The following TEAD4 variants were observed in gnomAD, a reference collection of about 807,000 sequenced individuals.
The protein encoded by TEAD4 is TEA domain transcription factor 4.
TEAD4 carries 36 observed loss-of-function variants against 52.4 expected under a neutral mutation model. The ratio of observed to expected loss-of-function variants is 0.69; its 90% CI spans 0.53 to 0.91. The LOEUF is 0.91. Ranked by LOEUF, TEAD4 falls within the 40% of genes least tolerant of loss-of-function variation. The probability of loss-of-function intolerance (pLI) is 0.00; values close to 1 mark genes in which losing one functional copy is unlikely to be tolerated. For missense variants in TEAD4, 508 were observed against 583.9 expected, an observed-to-expected ratio of 0.87 and a Z score of 1.34; for synonymous variants, 220 against 231.0, an observed-to-expected ratio of 0.95 and a Z score of 0.43.
At chr12:2,995,971 G>A (rs2098246784) in intron 3 of TEAD4, among the ~76,000 whole-genome samples, 1 of 150,322 alleles carries the variant, frequency 6.7e-6, no homozygotes, top group Non-Finnish European at 1.5e-5. Flanking sequence ...GTGCACTGTT[G>A]CACTCCTGCC....
chr12:2,967,415 A>G (rs938341196), intron 2 of TEAD4, among the ~76,000 whole-genome samples: 20 of 152,168 alleles, frequency 1.3e-4, no homozygotes, highest in African/African-American at 4.8e-4. Context: ...CTATGACTAT[A>G]CTATATTTAA....
chr12:3,035,672 T>C (rs2153958596), intron 10 of TEAD4, among the ~76,000 whole-genome samples: 1 of 152,106 alleles, frequency 6.6e-6, no homozygotes, highest in South Asian at 2.1e-4. Flanking sequence ...ATTTAAAAAT[T>C]AGCCAGGTGT....
At chr12:2,965,910 G>T (rs989428309) in intron 2 of TEAD4, among the ~76,000 whole-genome samples, 1 of 152,050 alleles carries the variant, frequency 6.6e-6, no homozygotes, top group Non-Finnish European at 1.5e-5. Flanking sequence ...CACCCAGGAT[G>T]GAGTGCAGTG....
Position 2,994,722 on chromosome 12 carries a change from G to T in TEAD4, c.-29-16G>T, listed in dbSNP as rs1372655020. ...TCTTCCACTGCTCACCGGGGCTGTG[G>T]TTCCTGTCCCCACAGGTCCAACGAG... On this transcript the variant is annotated splice_polypyrimidine_tract_variant and intron_variant, in intron 2 of 12. Coordinates refer to ENST00000359864, the MANE Select transcript of TEAD4 (RefSeq NM_003213.4). This position sits in a 1 kb window ranked among gnomAD's most constrained non-coding sequence, Gnocchi z 4.7. 2 of 1,550,746 alleles carry T rather than the reference G, an allele frequency of 1.3e-6. No homozygotes were observed. Among genetic ancestry groups the T allele is most frequent in the South Asian group, 1.2e-5 (1 of 81,018 alleles).
chr12:2,969,344 G>T (rs1000140991), intron 2 of TEAD4, among the ~76,000 whole-genome samples: 1 of 152,224 alleles, frequency 6.6e-6, no homozygotes, highest in African/African-American at 2.4e-5. Context: ...CGTAAGTTAT[G>T]TGCAAACACT....
At chr12:2,962,868 A>G (rs1209982962) in intron 2 of TEAD4, among the ~76,000 whole-genome samples, 2 of 152,076 alleles carry the variant, frequency 1.3e-5, no homozygotes, top group Non-Finnish European at 2.9e-5. Flanking sequence ...ATTAGAACCT[A>G]TGCTCTCCCC....
chr12:2,974,056 G>C (rs1000148523), intron 2 of TEAD4, among the ~76,000 whole-genome samples: 3 of 152,078 alleles, frequency 2.0e-5, no homozygotes, highest in Non-Finnish European at 2.9e-5. Context: ...CGCCCAGACC[G>C]GAGTGTAGTG....
intron 2 of TEAD4, among the ~76,000 whole-genome samples, chr12:2,983,782 A>G (rs566921539): frequency 2.1e-4 from 32 of 152,360 alleles, no homozygotes; most frequent in Admixed American, 1.3e-3. Context: ...TTATTCCACA[A>G]TAACACTTAA....
At chr12:3,033,481 C>T (rs2098277218) in intron 10 of TEAD4, among the ~76,000 whole-genome samples, 1 of 152,220 alleles carries the variant, frequency 6.6e-6, no homozygotes, top group African/African-American at 2.4e-5. Flanking sequence ...CCGCTCTGCA[C>T]ATTGGAAATG....
At chr12:2,992,020 T>TTTC (rs2098243464) in intron 2 of TEAD4, among the ~76,000 whole-genome samples, 1 of 127,730 alleles carries the variant, frequency 7.8e-6, no homozygotes, top group East Asian at 2.1e-4. Flanking sequence ...TTCCTGCTTT[T>TTTC]TTTTTTTTTT....
chr12:3,019,972 C>T (rs1398456541), intron 8 of TEAD4, among the ~76,000 whole-genome samples: 1 of 152,234 alleles, frequency 6.6e-6, no homozygotes, highest in Non-Finnish European at 1.5e-5. Flanking sequence ...CTGCAGCAGC[C>T]TCTCCACCGG....
intron 5 of TEAD4, among the ~76,000 whole-genome samples, chr12:3,015,190 G>T (rs2098263498): frequency 6.6e-6 from 1 of 152,104 alleles, no homozygotes; most frequent in African/African-American, 2.4e-5. Flanking sequence ...CCACTACTCG[G>T]AACAGTTCCC....
chr12:2,999,322 A>C (rs140776492), intron 3 of TEAD4, among the ~76,000 whole-genome samples: 1,866 of 151,978 alleles, frequency 0.012, 18 homozygotes, highest in Non-Finnish European at 0.019. Context: ...TCCAAAGGCC[A>C]CCAGCCCCTT....
chr12:3,033,921 G>C, intron 10 of TEAD4, among the ~76,000 whole-genome samples: 1 of 146,968 alleles, frequency 6.8e-6, no homozygotes, highest in Non-Finnish European at 1.5e-5. Flanking sequence ...TAATTAGAAG[G>C]ATCCAGGCAC....
intron 2 of TEAD4, among the ~76,000 whole-genome samples, chr12:2,985,070 T>C (rs1344676741): frequency 6.6e-6 from 1 of 152,236 alleles, no homozygotes; most frequent in African/African-American, 2.4e-5. Context: ...CTTTATAAAC[T>C]TCTTAATTTT....
intron 10 of TEAD4, among the ~76,000 whole-genome samples, chr12:3,031,994 G>C (rs902210385): frequency 2.6e-5 from 4 of 152,208 alleles, no homozygotes; most frequent in African/African-American, 9.6e-5. Context: ...CTGAGGAACA[G>C]CAGGCAGTGG....
At chr12:2,996,431 G>A (rs190145573) in intron 3 of TEAD4, among the ~76,000 whole-genome samples, 1 of 144,742 alleles carries the variant, frequency 6.9e-6, no homozygotes, top group African/African-American at 2.6e-5. Context: ...TTTTTGAGAT[G>A]GAGTTTCACT....
rs560522260 is a variant in TEAD4 at position 2,985,501 on chromosome 12, CTTTT to C, written c.-29-9218_-29-9215del. The stretch of plus-strand genomic sequence containing the variant: ...ATAAGCCTTCTTCTGTTTACAAAAT[CTTTT>C]TTTTTTTTTTTTTTTTTTGAGACGG... On this transcript the variant is annotated intron_variant, in intron 2 of 12. Coordinates refer to ENST00000359864, the MANE Select transcript of TEAD4 (RefSeq NM_003213.4). Among the ~76,000 whole-genome samples the C allele has an allele frequency of 2.3e-3, 192 of 83,018 alleles. 1 individual carries two copies. Among genetic ancestry groups the C allele is most frequent in the African/African-American group, 6.9e-3 (148 of 21,534 alleles). 54.5% of individuals were successfully genotyped at this position (83,018 alleles called of 152,430 possible).
rs746588842 is a variant in TEAD4 at position 3,021,831 on chromosome 12, ACT to A, written c.724-7_724-6del. ...CCTGTGCTCCGTCTCCCTCAGACCCACTCTCTCCACAGTACAACAAGCACCTG... is the reference window on the plus strand; with the variant it reads ...CCTGTGCTCCGTCTCCCTCAGACCCACTCTCCACAGTACAACAAGCACCTG... On this transcript the variant is annotated splice_polypyrimidine_tract_variant and intron_variant, in intron 9 of 12. Transcript: ENST00000359864. 1 of 1,612,676 alleles carries A rather than the reference ACT, an allele frequency of 6.2e-7. No homozygotes were observed. Among genetic ancestry groups the A allele is most frequent in the Non-Finnish European group, 8.5e-7 (1 of 1,179,164 alleles).
Sources: allele counts gnomAD v4.1 joint callset (sites outside exome capture counted in the v4.1 genomes callset), GRCh38; gene constraint gnomAD v4.1.1; non-coding constraint Gnocchi (gnomAD v3.1); transcripts MANE v1.5; gene names NCBI Gene and HGNC (gene_info 2026-07-23, HGNC 2026-07-21).